Variants in RAB38 observed in about 807,000 individuals in gnomAD.
RAB38 encodes ras-related protein Rab-38.
A neutral mutation model predicts 18.4 loss-of-function variants in RAB38; 15 were observed. The observed-to-expected ratio is 0.82, with a 90% CI of 0.55 to 1.26. RAB38 has a LOEUF of 1.26. RAB38 is among the 50% of genes most tolerant of loss of function. RAB38 has a pLI of 0.00. For missense variants in RAB38, 294 were observed against 267.4 expected, an observed-to-expected ratio of 1.10 and a Z score of -0.69; for synonymous variants, 101 against 104.4, an observed-to-expected ratio of 0.97 and a Z score of 0.20.
At chr11:88,035,183 T>A in the RAB38 span, among the ~76,000 whole-genome samples, 3 of 152,216 alleles carry the variant, frequency 2.0e-5, no homozygotes, top group Non-Finnish European at 4.4e-5. Context: ...TCTTCTCTAC[T>A]GTATGAGTAA....
chr11:87,825,401 G>A, the RAB38 span, among the ~76,000 whole-genome samples: 1 of 152,020 alleles, frequency 6.6e-6, no homozygotes, highest in Non-Finnish European at 1.5e-5. Context: ...TTGGAGGTGG[G>A]AAGTCCTTAA....
At chr11:88,040,529 A>AG in the RAB38 span, among the ~76,000 whole-genome samples, 2 of 152,204 alleles carry the variant, frequency 1.3e-5, no homozygotes, top group Non-Finnish European at 1.5e-5. Context: ...AACATGGTGA[A>AG]AACCCATCTC....
chr11:88,139,154 ACT>A (rs1391930396), intron 2 of RAB38, among the ~76,000 whole-genome samples: 1 of 152,050 alleles, frequency 6.6e-6, no homozygotes, highest in African/African-American at 2.4e-5. Flanking sequence ...ATGATAGGTA[ACT>A]CTGCAGTAAC....
At chr11:88,053,062 TTA>T in the RAB38 span, among the ~76,000 whole-genome samples, 15 of 26,562 alleles carry the variant, frequency 5.6e-4, 1 homozygote, top group African/African-American at 9.2e-4. Flanking sequence ...AATATATATA[TTA>T]TATATATACA....
the RAB38 span, among the ~76,000 whole-genome samples, chr11:88,029,162 T>C: frequency 5.3e-5 from 8 of 151,872 alleles, no homozygotes; most frequent in Admixed American, 4.6e-4. Context: ...TAAAATACTT[T>C]ACAGACAAGC....
At chr11:87,920,701 C>A in the RAB38 span, among the ~76,000 whole-genome samples, 2 of 152,018 alleles carry the variant, frequency 1.3e-5, no homozygotes, top group African/African-American at 4.8e-5. Context: ...CAGATTTTCT[C>A]TCTGGATGAT....
the RAB38 span, among the ~76,000 whole-genome samples, chr11:88,019,646 T>G: frequency 2.0e-4 from 31 of 152,180 alleles, no homozygotes; most frequent in Admixed American, 5.2e-4. Context: ...GAACTCATAT[T>G]CTATCAGCCT....
At chr11:87,937,312 A>G in the RAB38 span, among the ~76,000 whole-genome samples, 1 of 5,154 alleles carries the variant, frequency 1.9e-4, no homozygotes, top group Non-Finnish European at 4.0e-4. Context: ...CTTGGTCATC[A>G]TATATATATA....
the RAB38 span, among the ~76,000 whole-genome samples, chr11:88,073,959 T>TTC: frequency 6.6e-6 from 1 of 150,616 alleles, no homozygotes; most frequent in African/African-American, 2.4e-5. Context: ...TGAGCTTGAA[T>TTC]AGACTATTTG....
chr11:87,932,583 A>G, the RAB38 span, among the ~76,000 whole-genome samples: 1 of 152,092 alleles, frequency 6.6e-6, no homozygotes, highest in East Asian at 1.9e-4. Flanking sequence ...GAAAAATAAG[A>G]TACATCTCAC....
the RAB38 span, among the ~76,000 whole-genome samples, chr11:87,839,187 C>T: frequency 2.0e-4 from 31 of 152,150 alleles, no homozygotes. Flanking sequence ...TTGTCTCTAC[C>T]TGTTGCTTAT....
chr11:88,102,322 G>A, the RAB38 span, among the ~76,000 whole-genome samples: 1 of 151,986 alleles, frequency 6.6e-6, no homozygotes, highest in Admixed American at 6.6e-5. Context: ...CATTATCTGG[G>A]ACCTGAACCC....
chr11:88,087,308 TGTATTA>T, the RAB38 span, among the ~76,000 whole-genome samples: 37 of 152,048 alleles, frequency 2.4e-4, no homozygotes, highest in East Asian at 6.8e-3. Context: ...TCATAGAGAA[TGTATTA>T]GTCCATTTGC....
the RAB38 span, among the ~76,000 whole-genome samples, chr11:87,917,234 T>C: frequency 5.3e-5 from 8 of 152,004 alleles, no homozygotes; most frequent in African/African-American, 1.9e-4. Context: ...GCGTGGGGTA[T>C]TGTGGGGGTC....
the RAB38 span, among the ~76,000 whole-genome samples, chr11:87,908,294 C>T: frequency 5.3e-5 from 8 of 152,046 alleles, no homozygotes; most frequent in African/African-American, 1.9e-4. Flanking sequence ...ATTGTTCTTT[C>T]CCACTAATCT....
chr11:87,963,966 T>A, the RAB38 span, among the ~76,000 whole-genome samples: 1 of 152,198 alleles, frequency 6.6e-6, no homozygotes, highest in East Asian at 1.9e-4. Flanking sequence ...TGGAATAAAG[T>A]TTAAGCAATG....
At chr11:87,834,745 A>G in the RAB38 span, among the ~76,000 whole-genome samples, 1 of 152,222 alleles carries the variant, frequency 6.6e-6, no homozygotes, top group African/African-American at 2.4e-5. Context: ...TAGAACATGC[A>G]TTTAGGAGTC....
the RAB38 span, among the ~76,000 whole-genome samples, chr11:87,850,323 A>G: frequency 2.6e-5 from 4 of 152,246 alleles, no homozygotes; most frequent in Non-Finnish European, 5.9e-5. Context: ...ACATACACAC[A>G]TATGTACACT....
At chr11:88,133,729 G>A (rs1381770904) in intron 2 of RAB38, among the ~76,000 whole-genome samples, 1 of 152,176 alleles carries the variant, frequency 6.6e-6, no homozygotes, top group African/African-American at 2.4e-5. Context: ...TGTATAATCT[G>A]ACTTTTTTTC....
Sources: gnomAD v4.1 joint callset for allele counts (sites outside exome capture counted in the v4.1 genomes callset) on GRCh38, gnomAD v4.1.1 for gene constraint, MANE v1.5 for transcripts, NCBI Gene and HGNC (gene_info 2026-07-23, HGNC 2026-07-21) for gene names.